The following FAT1 variants were observed in gnomAD, a reference collection of about 807,000 sequenced individuals.
The protein encoded by FAT1 is FAT atypical cadherin 1.
FAT1 carries 171 observed loss-of-function variants against 329.8 expected under a neutral mutation model. The observed-to-expected ratio is 0.52, with a 90% CI of 0.46 to 0.59. The LOEUF is 0.59. Among genes scored for constraint, FAT1 ranks in the 20% least tolerant of loss-of-function variants. FAT1 has a pLI of 0.00. For synonymous variants in FAT1, 2,233 were observed against 2,228.6 expected (o/e 1.00, Z -0.06); for missense variants, 5,672 against 5,774.4 (o/e 0.98, Z 0.57).
chr4:186,644,917 T>C (rs1741285481), intron 3 of FAT1, among the ~76,000 whole-genome samples: 2 of 152,136 alleles, frequency 1.3e-5, no homozygotes, highest in African/African-American at 4.8e-5. Flanking sequence ...GACAGTCTTG[T>C]TTGCAAGAAA....
At position 186,595,025 on chromosome 4, in the gene FAT1, A is replaced by C. The variant is rs1183808522; in HGVS notation, c.13138+664T>G. 2.0e-5 allele frequency among the ~76,000 whole-genome samples: 3 copies of C among 152,274 alleles called. No homozygotes were observed. In the East Asian group the frequency reaches 5.8e-4, roughly 29 times the overall value. The stretch of plus-strand genomic sequence containing the variant: ...ACGTTTTTCTCTACTGGTATGTGTT[A>C]ATATGGCAAAGCTAGTTATCAATGC... On this transcript the variant is annotated intron_variant, in intron 26 of 26. Transcript: ENST00000441802.
At chr4:186,661,028 T>C (rs1000133529) in intron 3 of FAT1, among the ~76,000 whole-genome samples, 1 of 152,124 alleles carries the variant, frequency 6.6e-6, no homozygotes, top group African/African-American at 2.4e-5. Flanking sequence ...CACAAGAAAA[T>C]TGAAAACACT....
At chr4:186,703,184 T>TCCCCACTC (rs1220999295) in intron 2 of FAT1, among the ~76,000 whole-genome samples, 1 of 152,064 alleles carries the variant, frequency 6.6e-6, no homozygotes, top group African/African-American at 2.4e-5. Context: ...ACGCCCGCCA[T>TCCCCACTC]CCCCACTCTG....
chr4:186,702,208 C>T (rs1744364219), intron 2 of FAT1, among the ~76,000 whole-genome samples: 1 of 152,254 alleles, frequency 6.6e-6, no homozygotes, highest in African/African-American at 2.4e-5. Flanking sequence ...ATTTCCCTTC[C>T]TGTATTTCAT....
chr4:186,671,902 A>G (rs1418693129), intron 2 of FAT1, among the ~76,000 whole-genome samples: 1 of 152,118 alleles, frequency 6.6e-6, no homozygotes, highest in Non-Finnish European at 1.5e-5. Flanking sequence ...GTGGACTAAA[A>G]TAGAACAAGA....
At chr4:186,642,572 C>CGTTAGTA (rs1298777641) in intron 3 of FAT1, among the ~76,000 whole-genome samples, 1 of 152,206 alleles carries the variant, frequency 6.6e-6, no homozygotes, top group South Asian at 2.1e-4. Flanking sequence ...CATAAGTGAG[C>CGTTAGTA]CAACAGAGAA....
chr4:186,716,048 C>T (rs1745190184), intron 1 of FAT1, among the ~76,000 whole-genome samples: 1 of 152,066 alleles, frequency 6.6e-6, no homozygotes, highest in Non-Finnish European at 1.5e-5. Context: ...GTTTAGATGA[C>T]CTCAAGCTCA....
At chr4:186,673,585 A>G (rs1742825520) in intron 2 of FAT1, among the ~76,000 whole-genome samples, 1 of 152,254 alleles carries the variant, frequency 6.6e-6, no homozygotes, top group Admixed American at 6.5e-5. Flanking sequence ...TGTTTGCATT[A>G]TTTAGATTGC....
At chr4:186,644,063 A>G (rs1372684304) in intron 3 of FAT1, among the ~76,000 whole-genome samples, 2 of 152,216 alleles carry the variant, frequency 1.3e-5, no homozygotes. Context: ...AAGAGAAGTT[A>G]AAATTTTCCA....
At chr4:186,683,855 TA>T (rs1051609678) in intron 2 of FAT1, among the ~76,000 whole-genome samples, 20 of 152,300 alleles carry the variant, frequency 1.3e-4, no homozygotes, top group African/African-American at 4.8e-4. Context: ...TAAAAGTGGT[TA>T]AATTCCCTCA....
intron 3 of FAT1, among the ~76,000 whole-genome samples, chr4:186,648,756 C>T (rs74411583): frequency 0.035 from 5,376 of 152,096 alleles, 347 homozygotes; most frequent in African/African-American, 0.12. Flanking sequence ...GGTGTGAATG[C>T]CAACCCCCCT....
intron 2 of FAT1, among the ~76,000 whole-genome samples, chr4:186,705,135 G>A (rs964746810): frequency 4.8e-5 from 7 of 144,460 alleles, no homozygotes; most frequent in Non-Finnish European, 7.5e-5. Context: ...TGGTAGGAAC[G>A]AGGTTTTGCT....
chr4:186,604,746 G>C (rs1739011970), intron 17 of FAT1, among the ~76,000 whole-genome samples, 172 bp from the exon 18 acceptor site: 2 of 151,994 alleles, frequency 1.3e-5, no homozygotes, highest in South Asian at 4.2e-4. Flanking sequence ...GTGAGGAGGA[G>C]GGAAAGGAGA....
rs771785359 is a variant in FAT1 at position 186,601,336 on chromosome 4, C to G, written c.11573G>C (p.Arg3858Thr). The G allele has an allele frequency of 3.1e-6, 5 of 1,613,066 alleles. No individual in the cohort carries two copies. In the East Asian group the frequency reaches 8.9e-5, roughly 29 times the overall value. ...ENKLEMKLTM[R>T]LRTYSTHAVV... Reference sequence around the variant, plus strand: ...CGCATGCGTGGAATATGTTCTGAGCCTCATGGTCAGTTTCATCTCTAATTT... The same window carrying G: ...CGCATGCGTGGAATATGTTCTGAGCGTCATGGTCAGTTTCATCTCTAATTT... The change falls in exon 21 of 27, where the codon AGG becomes ACG. Residue 3858 changes from arginine (R) to threonine (T), a missense_variant. This residue lies in a region of FAT1 where 1,706 missense variants were observed against 1,859.1 expected (regional missense o/e 0.92). Coordinates refer to ENST00000441802, the MANE Select transcript of FAT1 (RefSeq NM_005245.4).
rs1744823168 is a variant in FAT1, at chr4:186,709,270, G to A, written c.558C>T (p.Tyr186=). Reference sequence around the variant, plus strand: ...ACATATCTGTTCGATCTTTAAAACTGTAGTAAAATTCCCCGTTGGTTCCTA... The same window carrying A: ...ACATATCTGTTCGATCTTTAAAACTATAGTAAAATTCCCCGTTGGTTCCTA... ...ADIGTNGEFY[Y]SFKDRTDMFA... is the part of the protein sequence containing the mutation. Residue 186 remains tyrosine, a synonymous_variant, in exon 2 of 27, where the codon TAC becomes TAT. Coordinates refer to ENST00000441802, the MANE Select transcript of FAT1 (RefSeq NM_005245.4). 1 of 1,614,002 alleles carries A rather than the reference G, an allele frequency of 6.2e-7. No individual in the cohort carries two copies. Among genetic ancestry groups the A allele is most frequent in the Non-Finnish European group, 8.5e-7 (1 of 1,179,896 alleles).
At chr4:186,639,850 A>G in intron 3 of FAT1, 67 bp from the exon 4 acceptor site, 3 of 1,344,444 alleles carry the variant, frequency 2.2e-6, no homozygotes, top group Non-Finnish European at 2.1e-6. Flanking sequence ...TGCAATTAAA[A>G]TCACACTCTT....
intron 2 of FAT1, among the ~76,000 whole-genome samples, chr4:186,702,763 G>A (rs1262966844): frequency 6.6e-6 from 1 of 152,178 alleles, no homozygotes; most frequent in Non-Finnish European, 1.5e-5. Context: ...ATTTTATTCT[G>A]CTTAAATTAC....
intron 3 of FAT1, among the ~76,000 whole-genome samples, chr4:186,658,695 G>A (rs891149007): frequency 1.6e-4 from 24 of 151,936 alleles, no homozygotes; most frequent in Admixed American, 1.0e-3. Flanking sequence ...TCAAATTGTC[G>A]CCGACATGAA....
rs557987151 is a variant in FAT1 at position 186,613,190 on chromosome 4, C to T, written c.9382G>A (p.Asp3128Asn). The T allele has an allele frequency of 5.3e-5, 86 of 1,613,814 alleles. 1 individual carries two copies. The Middle Eastern group carries it at 6.6e-4, about 12-fold the overall frequency. The change falls in exon 13 of 27, where the codon GAT becomes AAT. Residue 3128 changes from aspartate to asparagine, a missense_variant. Coordinates refer to ENST00000441802, the MANE Select transcript of FAT1 (RefSeq NM_005245.4). Reference protein sequence around the residue: ...VNDNAPEFSADPYAITVFENT... With the variant: ...VNDNAPEFSANPYAITVFENT... ...TCAAACACGGTGATGGCATAAGGAT[C>T]GGCAGAGAATTCGGGGGCGTTATCG...
Sources: gnomAD v4.1 joint callset for allele counts (sites outside exome capture counted in the v4.1 genomes callset) on GRCh38, gnomAD v4.1.1 for gene constraint, gnomAD v4.1.1 regional missense constraint, MANE v1.5 for transcripts, NCBI Gene and HGNC (gene_info 2026-07-23, HGNC 2026-07-21) for gene names.